GRIA1: variants seen among roughly 807,000 people sequenced by gnomAD.
GRIA1 encodes the protein glutamate ionotropic receptor AMPA type subunit 1, also known as glutamate receptor 1.
Under a neutral mutation model 99.2 loss-of-function variants are expected in GRIA1, and 31 were observed. That is an observed-to-expected ratio of 0.31 (90% CI 0.23 to 0.42). GRIA1 has a LOEUF of 0.42. GRIA1 is among the 10% of genes least tolerant of loss of function. GRIA1 has a pLI of 1.00. For synonymous variants in GRIA1, 438 were observed against 432.4 expected, an observed-to-expected ratio of 1.01 and a Z score of -0.16; for missense variants, 782 against 1,157.5, an observed-to-expected ratio of 0.68 and a Z score of 4.71.
At chr5:153,500,780 T>TAC (rs149482415) in intron 2 of GRIA1, among the ~76,000 whole-genome samples, 10 of 151,336 alleles carry the variant, frequency 6.6e-5, no homozygotes, top group South Asian at 2.1e-4. Context: ...TATATTTGTA[T>TAC]ACACACACAC....
chr5:153,535,055 C>T (rs894508862), intron 2 of GRIA1, among the ~76,000 whole-genome samples: 25 of 151,944 alleles, frequency 1.6e-4, no homozygotes, highest in East Asian at 3.9e-4. Flanking sequence ...CTGAGTAGCT[C>T]GGATTACAGG....
chr5:153,751,714 C>T (rs533947330), intron 11 of GRIA1, among the ~76,000 whole-genome samples: 7 of 152,312 alleles, frequency 4.6e-5, no homozygotes, highest in African/African-American at 1.7e-4. Flanking sequence ...TAATCAATAA[C>T]CAGAACAAGA....
At chr5:153,585,552 G>A (rs941998548) in intron 2 of GRIA1, among the ~76,000 whole-genome samples, 12 of 151,822 alleles carry the variant, frequency 7.9e-5, no homozygotes, top group African/African-American at 1.9e-4. Flanking sequence ...CAGGTGATCC[G>A]CCCTCCTCGG....
chr5:153,759,700 C>A (rs1268371787), intron 11 of GRIA1, among the ~76,000 whole-genome samples: 1 of 151,940 alleles, frequency 6.6e-6, no homozygotes. Context: ...CAAACTCATT[C>A]TTTGAAGCCA....
At chr5:153,708,484 A>C (rs1759078518) in intron 11 of GRIA1, among the ~76,000 whole-genome samples, 1 of 152,178 alleles carries the variant, frequency 6.6e-6, no homozygotes. Context: ...GATTTTCATA[A>C]AACAACTCTA....
At chr5:153,716,358 A>G (rs10035289) in intron 11 of GRIA1, among the ~76,000 whole-genome samples, 92,128 of 152,078 alleles carry the variant, frequency 0.61, 28,691 homozygotes, top group East Asian at 0.95. Flanking sequence ...TCCAAGACCA[A>G]CAATCTTCTG....
At chr5:153,656,456 T>G (rs891534423) in intron 5 of GRIA1, among the ~76,000 whole-genome samples, 1 of 148,196 alleles carries the variant, frequency 6.7e-6, no homozygotes, top group Non-Finnish European at 1.5e-5. Context: ...AGTGCTACTG[T>G]TTTTTATATT....
intron 7 of GRIA1, among the ~76,000 whole-genome samples, chr5:153,682,310 T>C (rs551471960): frequency 2.8e-4 from 42 of 152,314 alleles, no homozygotes; most frequent in African/African-American, 9.9e-4. Context: ...ACTGCTCGGC[T>C]GTCTCCTTCA....
chr5:153,493,258 C>A (rs973317983), intron 1 of GRIA1, among the ~76,000 whole-genome samples: 1 of 152,232 alleles, frequency 6.6e-6, no homozygotes, highest in Admixed American at 6.5e-5. Flanking sequence ...TGTAACAAGT[C>A]ATTCCTAGGT....
At chr5:153,638,184 A>G (rs563087254) in intron 2 of GRIA1, among the ~76,000 whole-genome samples, 36 of 152,322 alleles carry the variant, frequency 2.4e-4, no homozygotes, top group Non-Finnish European at 2.2e-4. Context: ...TCAAAGGGAT[A>G]TGAATAATAA....
At chr5:153,498,923 T>G (rs889070256) in intron 2 of GRIA1, among the ~76,000 whole-genome samples, 1 of 152,194 alleles carries the variant, frequency 6.6e-6, no homozygotes, top group Admixed American at 6.5e-5. Context: ...AGTAGGCCAA[T>G]CTACTCATAC....
intron 2 of GRIA1, among the ~76,000 whole-genome samples, chr5:153,564,098 C>G (rs990634904): frequency 1.3e-5 from 2 of 152,146 alleles, no homozygotes; most frequent in Non-Finnish European, 2.9e-5. Flanking sequence ...TCCTCTTGGG[C>G]AAGTCTAGAG....
At chr5:153,532,612 T>C (rs1367480712) in intron 2 of GRIA1, among the ~76,000 whole-genome samples, 3 of 152,182 alleles carry the variant, frequency 2.0e-5, no homozygotes, top group African/African-American at 7.2e-5. Context: ...ATGTCATGTA[T>C]GTGTCATTTA....
intron 2 of GRIA1, among the ~76,000 whole-genome samples, chr5:153,583,198 G>C (rs1763193694): frequency 6.6e-6 from 1 of 152,132 alleles, no homozygotes; most frequent in African/African-American, 2.4e-5. Flanking sequence ...CTCCCAAAGT[G>C]CTGGGACTGC....
intron 2 of GRIA1, among the ~76,000 whole-genome samples, chr5:153,643,629 T>A (rs1440925672): frequency 6.6e-6 from 1 of 152,188 alleles, no homozygotes; most frequent in Non-Finnish European, 1.5e-5. Flanking sequence ...GTAGAAATGG[T>A]CTGACAGTCA....
chr5:153,607,250 T>C (rs943336251), intron 2 of GRIA1, among the ~76,000 whole-genome samples: 5 of 151,886 alleles, frequency 3.3e-5, no homozygotes, highest in Admixed American at 3.3e-4. Flanking sequence ...GGTGGATTTT[T>C]TGCTTGGTTG....
At position 153,577,147 on chromosome 5, in the gene GRIA1, TGGATGGTTGGA is replaced by T. The variant is rs1762634274; in HGVS notation, c.221-69780_221-69770del. 2.4e-5 allele frequency among the ~76,000 whole-genome samples: 2 copies of T among 82,440 alleles called. 1 individual carries two copies. The highest frequency in any genetic ancestry group is 7.7e-5 in the African/African-American group (2 of 25,946). The allele number at this position is 82,440 out of a possible 152,430, so 54.1% of individuals were successfully genotyped here. On this transcript the variant is annotated intron_variant, in intron 2 of 15. Transcript: ENST00000285900. ...ATGAATGGGTGGATGGATGGATGGA[TGGATGGTTGGA>T]TGGATGGATGGATGGATGGATGGAT...
At chr5:153,615,353 A>C (rs982543821) in intron 2 of GRIA1, among the ~76,000 whole-genome samples, 1 of 152,226 alleles carries the variant, frequency 6.6e-6, no homozygotes, top group African/African-American at 2.4e-5. Flanking sequence ...AATGAATAAA[A>C]GCTGCTAGCT....
chr5:153,622,227 AC>A (rs1437777376), intron 2 of GRIA1, among the ~76,000 whole-genome samples: 2 of 152,186 alleles, frequency 1.3e-5, no homozygotes, highest in Non-Finnish European at 2.9e-5. Flanking sequence ...TGCCCTGCAC[AC>A]TTAAGTGTGA....
Sources: gnomAD v4.1 joint callset for allele counts (sites outside exome capture counted in the v4.1 genomes callset) on GRCh38, gnomAD v4.1.1 for gene constraint, MANE v1.5 for transcripts, NCBI Gene and HGNC (gene_info 2026-07-23, HGNC 2026-07-21) for gene names.